ZFHX3: variants seen among roughly 807,000 people sequenced by gnomAD.
The protein encoded by ZFHX3 is zinc finger homeobox protein 3.
ZFHX3 carries 42 observed loss-of-function variants against 279.1 expected under a neutral mutation model. The ratio of observed to expected loss-of-function variants is 0.15; its 90% CI spans 0.12 to 0.19. The LOEUF (loss-of-function observed/expected upper bound fraction) is 0.19, where lower values mean the gene tolerates loss of function less well. ZFHX3 is among the 10% of genes least tolerant of loss of function. The pLI is 1.00. For missense variants in ZFHX3, 4,981 were observed against 4,754.0 expected (o/e 1.05, Z -1.40); for synonymous variants, 2,293 against 1,957.8 (o/e 1.17, Z -4.52).
chr16:73,159,513 C>T (rs754110068), intron 5 of ZFHX3, among the ~76,000 whole-genome samples: 1 of 152,070 alleles, frequency 6.6e-6, no homozygotes. Context: ...GGGTTGCCTG[C>T]TGAGAAATAA....
chr16:73,777,532 A>AAAAT (rs1959297890), intron 1 of ZFHX3, among the ~76,000 whole-genome samples: 1 of 150,228 alleles, frequency 6.7e-6, no homozygotes, highest in African/African-American at 2.4e-5. Context: ...AAAAAAAAAA[A>AAAAT]GCTTAGTTAA....
rs1049735154 is a variant in ZFHX3 at position 73,583,828 on chromosome 16, C to G, written c.-1547+96352G>C. ...AGAGTATTAAGACCCTCTAGAACTT[C>G]TAGTAAAATTGGACAGATTCTGATC... On this transcript the variant is annotated intron_variant, in intron 2 of 17. Coordinates refer to the ZFHX3 transcript ENST00000641206. 2.0e-5 allele frequency among the ~76,000 whole-genome samples: 3 copies of G among 152,030 alleles called. No individual in the cohort carries two copies. In the South Asian group the frequency reaches 6.2e-4, roughly 32 times the overall value.
At chr16:73,164,449 C>T (rs1297450597) in intron 5 of ZFHX3, among the ~76,000 whole-genome samples, 1 of 152,158 alleles carries the variant, frequency 6.6e-6, no homozygotes, top group African/African-American at 2.4e-5. Context: ...CTTGTAATCC[C>T]AGCACTTTGG....
chr16:73,881,548 T>C lies in ZFHX3; in HGVS notation c.-1608+10103A>G, dbSNP rs146565325. Among the ~76,000 whole-genome samples the C allele has an allele frequency of 4.4e-5, 6 of 134,988 alleles. No individual in the cohort carries two copies. The East Asian group carries it at 1.4e-3, about 31-fold the overall frequency. The allele number at this position is 134,988 out of a possible 152,430, so 88.6% of individuals were successfully genotyped here. ...AGGCCCTTGGAGTCCAAAGAGAAAG[T>C]GTCTATAGCTTCACTGTTCCATTTT... On this transcript the variant is annotated intron_variant, in intron 1 of 17. Transcript: ENST00000641206.
chr16:73,840,478 C>T (rs532268883), intron 1 of ZFHX3, among the ~76,000 whole-genome samples: 3 of 152,292 alleles, frequency 2.0e-5, no homozygotes, highest in African/African-American at 7.2e-5. Flanking sequence ...GTAATTTTTC[C>T]TGGTCTGATC....
intron 2 of ZFHX3, among the ~76,000 whole-genome samples, chr16:73,543,784 G>C (rs766897295): frequency 6.6e-6 from 1 of 150,782 alleles, no homozygotes; most frequent in Non-Finnish European, 1.5e-5. Context: ...GAATAAATGC[G>C]AGTGACCCCC....
At chr16:73,070,602 T>A (rs2144754291) in intron 8 of ZFHX3, among the ~76,000 whole-genome samples, 1 of 152,270 alleles carries the variant, frequency 6.6e-6, no homozygotes, top group African/African-American at 2.4e-5. Context: ...GAAGCGGGAT[T>A]CGTCTCCCGC....
chr16:73,500,427 A>G (rs1395677687), intron 2 of ZFHX3, among the ~76,000 whole-genome samples: 2 of 152,038 alleles, frequency 1.3e-5, no homozygotes, highest in Admixed American at 1.3e-4. Flanking sequence ...TCCTGGGCTC[A>G]AGCAATCCTT....
intron 5 of ZFHX3, among the ~76,000 whole-genome samples, chr16:73,220,618 T>G (rs2012382142): frequency 6.6e-6 from 1 of 152,198 alleles, no homozygotes; most frequent in South Asian, 2.1e-4. Flanking sequence ...TTCATGCTGC[T>G]ATGTTCATTG....
At chr16:73,579,854 T>TTATATATATATATATATATATATATA (rs200667144) in intron 2 of ZFHX3, among the ~76,000 whole-genome samples, 24 of 140,936 alleles carry the variant, frequency 1.7e-4, no homozygotes, top group African/African-American at 5.7e-4. Flanking sequence ...ATTATACAGA[T>TTATATATATATATATATATATATATA]TATATATATA....
intron 1 of ZFHX3, among the ~76,000 whole-genome samples, chr16:73,818,057 C>T (rs925717171): frequency 6.6e-6 from 1 of 152,050 alleles, no homozygotes; most frequent in Non-Finnish European, 1.5e-5. Context: ...GTGAGAGAGG[C>T]CAGGGTAAAT....
chr16:73,532,183 G>A (rs1225674333), intron 2 of ZFHX3, among the ~76,000 whole-genome samples: 1 of 152,088 alleles, frequency 6.6e-6, no homozygotes, highest in African/African-American at 2.4e-5. Flanking sequence ...GTCTTGAATT[G>A]TAGCTCCCAC....
chr16:73,701,576 T>C (rs1438336717), intron 1 of ZFHX3, among the ~76,000 whole-genome samples: 1 of 152,224 alleles, frequency 6.6e-6, no homozygotes, highest in African/African-American at 2.4e-5. Context: ...TTAAGTTGTA[T>C]CTCACTAAAG....
intron 2 of ZFHX3, among the ~76,000 whole-genome samples, chr16:73,607,182 C>T (rs2052197115): frequency 6.6e-6 from 1 of 152,164 alleles, no homozygotes; most frequent in African/African-American, 2.4e-5. Context: ...GCACCTACCA[C>T]CATGCCTGGC....
chr16:72,896,562 G>A (rs553086877), intron 3 of ZFHX3, among the ~76,000 whole-genome samples: 2 of 152,354 alleles, frequency 1.3e-5, no homozygotes, highest in Non-Finnish European at 1.5e-5. Flanking sequence ...CCATTAGTAT[G>A]TTGTGCTTGT....
intron 3 of ZFHX3, among the ~76,000 whole-genome samples, chr16:73,418,676 TG>T (rs1440005814): frequency 6.6e-6 from 1 of 152,210 alleles, no homozygotes; most frequent in African/African-American, 2.4e-5. Flanking sequence ...GGTGGGAATG[TG>T]GCTTTGTCCG....
rs953863150 is a variant in ZFHX3 at position 72,795,898 on chromosome 16, C to T, written c.6784G>A (p.Asp2262Asn). ...YQLRVLQDFF[D>N]ANAYPKDDEF... ...TCATCCTTTGGGTAAGCATTGGCAT[C>T]GAAGAAGTCCTGTAAGACCCTCAGC... The change falls in exon 9 of 10, where the codon GAT (aspartate) becomes AAT (asparagine). Residue 2262 changes from aspartate to asparagine, a missense_variant. This residue lies in a region of ZFHX3 where 177 missense variants were observed against 244.2 expected (regional missense o/e 0.72). Transcript: ENST00000268489. 22 of 1,614,006 alleles carry T rather than the reference C, an allele frequency of 1.4e-5. No individual in the cohort carries two copies. The highest frequency in any genetic ancestry group is 2.7e-5 in the African/African-American group (2 of 74,902).
At chr16:72,986,177 A>C (rs1962833451) in intron 1 of ZFHX3, among the ~76,000 whole-genome samples, 2 of 151,970 alleles carry the variant, frequency 1.3e-5, no homozygotes, top group African/African-American at 2.4e-5. Flanking sequence ...CAGATTCTCT[A>C]AAGAACAGAC....
Position 72,875,899 on chromosome 16 carries a change from G to A in ZFHX3, c.3448+13832C>T, listed in dbSNP as rs545084693. 2.0e-4 allele frequency among the ~76,000 whole-genome samples: 30 copies of A among 152,278 alleles called. 1 individual carries two copies. The highest frequency in any genetic ancestry group is 1.4e-3 in the Admixed American group (21 of 15,294). On this transcript the variant is annotated intron_variant, in intron 4 of 9. Transcript: ENST00000268489. ...AGAGTTTTACAGCCCTGGAAGAGAG[G>A]GGAGGCCACAGTGAACACCTGTGAT... is the stretch of plus-strand genomic sequence containing the variant.
Sources: gnomAD v4.1 joint callset for allele counts (sites outside exome capture counted in the v4.1 genomes callset) on GRCh38, gnomAD v4.1.1 for gene constraint, gnomAD v4.1.1 regional missense constraint, MANE v1.5 for transcripts, NCBI Gene and HGNC (gene_info 2026-07-23, HGNC 2026-07-21) for gene names.